SYT9: variants seen among roughly 807,000 people sequenced by gnomAD.
SYT9 encodes the protein synaptotagmin 9.
In SYT9, 22 loss-of-function variants were observed where a neutral mutation model predicts 48.4. The ratio of observed to expected loss-of-function variants is 0.45; its 90% CI spans 0.32 to 0.65. The LOEUF (loss-of-function observed/expected upper bound fraction) is 0.65, where lower values mean the gene tolerates loss of function less well. SYT9 is among the 30% of genes least tolerant of loss of function. SYT9 has a pLI of 0.03. For missense variants in SYT9, 577 were observed against 622.0 expected, an observed-to-expected ratio of 0.93 and a Z score of 0.77; for synonymous variants, 265 against 245.0, an observed-to-expected ratio of 1.08 and a Z score of -0.76.
chr11:7,447,470 T>A (rs1220953116), intron 6 of SYT9, among the ~76,000 whole-genome samples: 1 of 152,228 alleles, frequency 6.6e-6, no homozygotes, highest in African/African-American at 2.4e-5. Context: ...TTGCTCATGC[T>A]GTTCTCTTTG....
intron 6 of SYT9, among the ~76,000 whole-genome samples, chr11:7,452,782 A>T (rs1362788718): frequency 1.3e-5 from 2 of 151,828 alleles, no homozygotes; most frequent in Non-Finnish European, 2.9e-5. Flanking sequence ...AGAAAACCTA[A>T]CCCAAACTCC....
chr11:7,373,540 G>A (rs1850400582), intron 3 of SYT9, among the ~76,000 whole-genome samples: 1 of 152,074 alleles, frequency 6.6e-6, no homozygotes, highest in Non-Finnish European at 1.5e-5. Context: ...CTGTTCCAGA[G>A]GCCCTGAGTT....
intron 2 of SYT9, among the ~76,000 whole-genome samples, chr11:7,305,871 A>G (rs954999481): frequency 1.3e-5 from 2 of 152,048 alleles, no homozygotes; most frequent in African/African-American, 4.8e-5. Flanking sequence ...CTGTCACACC[A>G]TTGACATCAA....
Position 7,344,254 on chromosome 11 carries a change from C to T in SYT9, c.1044+30313C>T, listed in dbSNP as rs370027209. ...TCCTAAATCCCCCATCTTTTTTTTT[C>T]GTTTTTATTATTGAGTTGTGAGAGC... On this transcript the variant is annotated intron_variant, in intron 3 of 6. Transcript: ENST00000318881. Among the ~76,000 whole-genome samples the T allele has an allele frequency of 3.2e-4, 48 of 151,082 alleles. No individual in the cohort carries two copies. The East Asian group carries it at 7.5e-3, about 24-fold the overall frequency.
At chr11:7,330,810 C>T (rs1383921178) in intron 3 of SYT9, among the ~76,000 whole-genome samples, 3 of 152,158 alleles carry the variant, frequency 2.0e-5, no homozygotes, top group Non-Finnish European at 4.4e-5. Context: ...GATTCTCCTG[C>T]CTCAGCCTCC....
At chr11:7,305,904 C>G (rs951435449) in intron 2 of SYT9, among the ~76,000 whole-genome samples, 3 of 152,096 alleles carry the variant, frequency 2.0e-5, no homozygotes, top group Admixed American at 1.3e-4. Context: ...CACCTGGCCT[C>G]TTCGGCTTGG....
chr11:7,406,916 G>A (rs927198456), intron 3 of SYT9, among the ~76,000 whole-genome samples: 6 of 152,022 alleles, frequency 3.9e-5, no homozygotes, highest in African/African-American at 1.4e-4. Context: ...TCTCAATGTG[G>A]TTTTATTTTG....
chr11:7,309,775 C>A (rs968581541), intron 2 of SYT9, among the ~76,000 whole-genome samples: 6 of 152,180 alleles, frequency 3.9e-5, no homozygotes, highest in African/African-American at 1.4e-4. Context: ...TATTTTCAGC[C>A]CCCAGACCTC....
In SYT9 at chr11:7,437,297, C is replaced by T. The variant is rs139535761; in HGVS notation, c.1467+16662C>T. Among the ~76,000 whole-genome samples the T allele has an allele frequency of 4.0e-3, 605 of 152,274 alleles. 4 individuals are homozygous for T. Among genetic ancestry groups the T allele is most frequent in the African/African-American group, 0.014 (578 of 41,558 alleles). On this transcript the variant is annotated intron_variant, in intron 6 of 6. Transcript: ENST00000318881. ...TTCTACATGGAAGGGAGCAGTGTGC[C>T]ACAAATGTTCTTGGCATTGATTCAC...
intron 2 of SYT9, among the ~76,000 whole-genome samples, chr11:7,309,725 T>C (rs1321146546): frequency 1.3e-5 from 2 of 152,152 alleles, no homozygotes; most frequent in Non-Finnish European, 2.9e-5. Flanking sequence ...CCCCCTCTTC[T>C]CCTTTACGCC....
intron 1 of SYT9, among the ~76,000 whole-genome samples, chr11:7,240,807 A>G (rs1261276010): frequency 1.3e-5 from 2 of 152,090 alleles, no homozygotes; most frequent in Non-Finnish European, 1.5e-5. Context: ...TTCTAATTAA[A>G]CCCTCCAAGT....
At chr11:7,371,769 G>A (rs1291839363) in intron 3 of SYT9, among the ~76,000 whole-genome samples, 1 of 152,102 alleles carries the variant, frequency 6.6e-6, no homozygotes, top group Admixed American at 6.6e-5. Context: ...GTGTGTGGAG[G>A]ATTCTTTTGT....
chr11:7,403,910 C>G (rs1192692770), intron 3 of SYT9, among the ~76,000 whole-genome samples: 3 of 152,108 alleles, frequency 2.0e-5, no homozygotes, highest in Non-Finnish European at 4.4e-5. Context: ...TTTATCCTCA[C>G]AGTTCTTTTA....
Position 7,468,085 on chromosome 11 carries a change from G to A in SYT9, c.*1285G>A, listed in dbSNP as rs752823547. ...TGGTCCTCTCTGTCCCATTATAGGT[G>A]CAAGGCACCCCATCCACACATTTGC... On this transcript the variant is annotated 3_prime_UTR_variant, in exon 7 of 7. Coordinates refer to ENST00000318881, the MANE Select transcript of SYT9 (RefSeq NM_175733.4). 3.3e-5 allele frequency: 13 copies of A among 391,534 alleles called. No individual in the cohort carries two copies. The highest frequency in any genetic ancestry group is 4.5e-5 in the Non-Finnish European group (10 of 221,970). The allele number at this position is 391,534 out of a possible 1,614,324, so 24.3% of individuals were successfully genotyped here.
intron 1 of SYT9, among the ~76,000 whole-genome samples, chr11:7,243,598 A>C (rs1158011159): frequency 6.6e-6 from 1 of 152,176 alleles, no homozygotes; most frequent in Non-Finnish European, 1.5e-5. Context: ...TTAAGTGCTC[A>C]CTACCCATAT....
intron 3 of SYT9, among the ~76,000 whole-genome samples, chr11:7,343,591 A>G (rs900298272): frequency 6.6e-6 from 1 of 152,198 alleles, no homozygotes; most frequent in African/African-American, 2.4e-5. Context: ...AATCTCTAGG[A>G]AGTTCCAACT....
chr11:7,459,863 G>T (rs1483258506), intron 6 of SYT9, among the ~76,000 whole-genome samples: 1 of 152,108 alleles, frequency 6.6e-6, no homozygotes, highest in Non-Finnish European at 1.5e-5. Flanking sequence ...CTAGGAAGAG[G>T]CAGGGAAGAC....
intron 3 of SYT9, among the ~76,000 whole-genome samples, chr11:7,407,296 C>T (rs1056542568): frequency 1.3e-5 from 2 of 148,584 alleles, no homozygotes; most frequent in Admixed American, 1.4e-4. Flanking sequence ...AGAATGATGT[C>T]TTGAAATGTT....
intron 1 of SYT9, among the ~76,000 whole-genome samples, chr11:7,271,935 G>A (rs1301971826): frequency 2.0e-5 from 3 of 152,142 alleles, no homozygotes; most frequent in African/African-American, 7.2e-5. Context: ...TGCAGAAGCT[G>A]AGCTGTAAGA....
Sources: allele counts gnomAD v4.1 joint callset (sites outside exome capture counted in the v4.1 genomes callset), GRCh38; gene constraint gnomAD v4.1.1; transcripts MANE v1.5; gene names NCBI Gene and HGNC (gene_info 2026-07-23, HGNC 2026-07-21).